WLS: variants seen among roughly 807,000 people sequenced by gnomAD.
WLS encodes the protein protein wntless homolog.
A neutral mutation model predicts 62.8 loss-of-function variants in WLS; 23 were observed. The ratio of observed to expected loss-of-function variants is 0.37; its 90% CI spans 0.26 to 0.52. WLS has a LOEUF of 0.52. Among genes scored for constraint, WLS ranks in the 20% least tolerant of loss-of-function variants. The pLI, the probability that WLS is intolerant of heterozygous loss-of-function variation, is 0.92. For synonymous variants in WLS, 246 were observed against 244.1 expected, an observed-to-expected ratio of 1.01 and a Z score of -0.07; for missense variants, 615 against 697.3, an observed-to-expected ratio of 0.88 and a Z score of 1.33.
At chr1:68,135,646 AG>A (rs1221454105) in intron 11 of WLS, among the ~76,000 whole-genome samples, 2 of 152,206 alleles carry the variant, frequency 1.3e-5, no homozygotes, top group Admixed American at 1.3e-4. Flanking sequence ...TCCATCATCC[AG>A]GAAGTCCAGC....
intron 2 of WLS, among the ~76,000 whole-genome samples, chr1:68,182,961 T>A (rs921086425): frequency 1.3e-5 from 2 of 152,174 alleles, no homozygotes; most frequent in African/African-American, 4.8e-5. Context: ...AGTGCAGTGG[T>A]GCGATCTCGG....
chr1:68,172,495 T>C (rs1018680821), intron 2 of WLS, among the ~76,000 whole-genome samples: 7 of 152,198 alleles, frequency 4.6e-5, no homozygotes, highest in Middle Eastern at 3.4e-3. Context: ...TAAAAAGGCA[T>C]ATAAGGCAAA....
chr1:68,152,114 G>A (rs1456208240), intron 5 of WLS, among the ~76,000 whole-genome samples: 1 of 152,206 alleles, frequency 6.6e-6, no homozygotes, highest in Non-Finnish European at 1.5e-5. Context: ...AAAGGATGGA[G>A]TTGCCTTTTA....
chr1:68,138,022 C>T, intron 10 of WLS, 89 bp from the exon 11 acceptor site: 1 of 1,500,872 alleles, frequency 6.7e-7, no homozygotes, highest in Non-Finnish European at 9.1e-7. Context: ...AACATGAAAA[C>T]CAAGTCTCTT....
At chr1:68,217,865 G>A (rs1211664799) in intron 1 of WLS, among the ~76,000 whole-genome samples, 1 of 152,146 alleles carries the variant, frequency 6.6e-6, no homozygotes, top group Admixed American at 6.5e-5. Context: ...GCATGGCAAG[G>A]ACACAGCGGT....
intron 3 of WLS, 97 bp from the exon 4 acceptor site, chr1:68,155,357 G>A: frequency 7.1e-7 from 1 of 1,399,782 alleles, no homozygotes; most frequent in South Asian, 1.5e-5. Flanking sequence ...ATTGTAAGCA[G>A]CTAATGCTTA....
rs561939630 is a variant in WLS at position 68,173,575 on chromosome 1, A to T, written c.380-14328T>A. 2.6e-5 allele frequency among the ~76,000 whole-genome samples: 4 copies of T among 152,328 alleles called. No individual in the cohort carries two copies. In the South Asian group the frequency reaches 8.3e-4, roughly 32 times the overall value. On this transcript the variant is annotated intron_variant, in intron 2 of 11. Coordinates refer to ENST00000262348, the MANE Select transcript of WLS (RefSeq NM_024911.7). ...AATTTAACTTAACAACTTCCAAAAC[A>T]AACAGTGCAGAGGGAGTCCAGGATA... is the stretch of plus-strand genomic sequence containing the variant.
chr1:68,113,190 G>A lies in WLS; in HGVS notation c.1511-14437C>T, dbSNP rs145278488. On this transcript the variant is annotated intron_variant, in intron 11 of 11. Coordinates refer to the WLS transcript ENST00000354777. ...CTGAGTCATCCAACCTCGCATGTCC[G>A]TAAAAATATCCGTATCCTTATAGGT... is the stretch of plus-strand genomic sequence containing the variant. 7.9e-4 allele frequency among the ~76,000 whole-genome samples: 120 copies of A among 152,282 alleles called. 1 individual carries two copies. Among genetic ancestry groups the A allele is most frequent in the African/African-American group, 2.8e-3 (115 of 41,564 alleles).
Position 68,142,708 on chromosome 1 carries a change from A to G in WLS, c.1362+1861T>C, listed in dbSNP as rs182359797. The G allele has an allele frequency of 9.8e-5, 15 of 152,292 alleles. 1 individual carries two copies. Among genetic ancestry groups the G allele is most frequent in the African/African-American group, 3.4e-4 (14 of 41,544 alleles). 9.4% of individuals were successfully genotyped at this position (152,292 alleles called of 1,614,324 possible). A position where few individuals can be genotyped will look rare whatever the true frequency, so the allele number is the denominator to read the frequency against. ...GTGAACAGAACTTACAAAGACATAT[A>G]TGTGTATCAGTTTATTTTTTCCACG... is the stretch of plus-strand genomic sequence containing the variant. On this transcript the variant is annotated intron_variant, in intron 10 of 11. Coordinates refer to ENST00000262348, the MANE Select transcript of WLS (RefSeq NM_024911.7).
chr1:68,172,957 C>T (rs888035683), intron 2 of WLS, among the ~76,000 whole-genome samples: 2 of 152,110 alleles, frequency 1.3e-5, no homozygotes, highest in African/African-American at 4.8e-5. Context: ...GATGTTAAAG[C>T]AAAGGAGGAG....
chr1:68,187,470 A>G (rs2100586074), intron 2 of WLS, among the ~76,000 whole-genome samples: 2 of 152,258 alleles, frequency 1.3e-5, no homozygotes, highest in South Asian at 4.1e-4. Context: ...GAAGATGTAC[A>G]TGAGAAAAAA....
chr1:68,150,133 G>T, intron 6 of WLS, 55 bp downstream of exon 6: 1 of 1,570,152 alleles, frequency 6.4e-7, no homozygotes, highest in Non-Finnish European at 8.7e-7. Flanking sequence ...GTGTCAGCTT[G>T]GCAGCCTGCA....
At chr1:68,120,694 C>A (rs916522480), downstream of WLS, among the ~76,000 whole-genome samples, 28 of 150,598 alleles carry the variant, frequency 1.9e-4, no homozygotes, top group African/African-American at 6.8e-4. Context: ...CTGTTAAGTT[C>A]TGTGTGTGTG....
In WLS at chr1:68,148,193, T is replaced by C. The variant is rs574673896; in HGVS notation, c.1077A>G (p.Val359=). 41 of 1,614,200 alleles carry C rather than the reference T, an allele frequency of 2.5e-5. No homozygotes were observed. In the Middle Eastern group the frequency reaches 4.9e-4, roughly 19 times the overall value. ...TACTGTAGAAGGGATTCGTGAGTTG[T>C]ACCCCTCTACAAAGAAAATGAGATG... The part of the protein sequence containing the change: ...LFIFDMCERG[V]QLTNPFYSIW... The change falls in exon 8 of 12, where the codon GTA becomes GTG. Residue 359 remains valine (V), a synonymous_variant. Transcript: ENST00000262348.
At chr1:68,222,924 T>TGGGGGGGG (rs1650000519) in intron 1 of WLS, among the ~76,000 whole-genome samples, 1 of 6,286 alleles carries the variant, frequency 1.6e-4, no homozygotes, top group South Asian at 4.8e-3. Context: ...GGGGTGGGGG[T>TGGGGGGGG]GGGGGGCAGG....
intron 2 of WLS, among the ~76,000 whole-genome samples, chr1:68,184,692 AATTC>A (rs1234257498): frequency 6.6e-6 from 1 of 152,198 alleles, no homozygotes; most frequent in Non-Finnish European, 1.5e-5. Flanking sequence ...CATCCTGACA[AATTC>A]ATTAATTCTG....
intron 1 of WLS, among the ~76,000 whole-genome samples, chr1:68,195,243 C>T (rs1451200138): frequency 6.6e-6 from 1 of 152,194 alleles, no homozygotes; most frequent in Non-Finnish European, 1.5e-5. Context: ...TGGAGGCGAC[C>T]TGTCTGGTGT....
intron 5 of WLS, among the ~76,000 whole-genome samples, 155 bp from the exon 6 acceptor site, chr1:68,150,511 A>G (rs982373981): frequency 3.3e-5 from 5 of 152,336 alleles, no homozygotes; most frequent in Admixed American, 3.3e-4. Flanking sequence ...AAAACGTCCT[A>G]TGTAGTTGGC....
At chr1:68,211,955 G>A (rs1266041958) in intron 1 of WLS, among the ~76,000 whole-genome samples, 1 of 152,108 alleles carries the variant, frequency 6.6e-6, no homozygotes, top group African/African-American at 2.4e-5. Flanking sequence ...ATGAGACAGA[G>A]GACAAAATAG....
Sources: allele counts gnomAD v4.1 joint callset (sites outside exome capture counted in the v4.1 genomes callset), GRCh38; gene constraint gnomAD v4.1.1; transcripts MANE v1.5; gene names NCBI Gene and HGNC (gene_info 2026-07-23, HGNC 2026-07-21).